SUFU: variants seen among roughly 807,000 people sequenced by gnomAD.
The protein encoded by SUFU is suppressor of fused homolog.
In SUFU, 7 loss-of-function variants were observed where a neutral mutation model predicts 58.9. The observed-to-expected ratio is 0.12, with a 90% CI of 0.07 to 0.22. SUFU has a LOEUF of 0.22. SUFU is among the 10% of genes least tolerant of loss of function. The probability of loss-of-function intolerance (pLI) is 1.00; values close to 1 mark genes in which losing one functional copy is unlikely to be tolerated. For missense variants in SUFU, 451 were observed against 641.3 expected (o/e 0.70, Z 3.20); for synonymous variants, 232 against 254.8 (o/e 0.91, Z 0.85).
intron 3 of SUFU, among the ~76,000 whole-genome samples, chr10:102,583,357 C>G (rs1252629430): frequency 3.3e-5 from 5 of 152,210 alleles, no homozygotes; most frequent in Admixed American, 3.3e-4. Flanking sequence ...GTTGCACTTT[C>G]TGCTCCCCAC....
rs1398699268 is a variant in SUFU at position 102,628,653 on chromosome 10, T to C, written c.1365+1410T>C. 6.6e-6 allele frequency among the ~76,000 whole-genome samples: 1 copy of C among 152,174 alleles called. No homozygotes were observed. Among genetic ancestry groups the C allele is most frequent in the Non-Finnish European group, 1.5e-5 (1 of 68,032 alleles). ...TCACTAAAAATGACTTTTTTCTTTT[T>C]TTCCTTTTCTGTCCAGAGGCTGTCC... On this transcript the variant is annotated intron_variant, in intron 11 of 11. Transcript: ENST00000369902. The surrounding 1 kb of genome is among the most constrained non-coding windows in gnomAD (Gnocchi z 4.5).
At chr10:102,505,433 C>A (rs1232767857) in intron 1 of SUFU, among the ~76,000 whole-genome samples, 22 of 152,182 alleles carry the variant, frequency 1.4e-4, no homozygotes, top group Admixed American at 1.4e-3. Flanking sequence ...AGATGATCTT[C>A]AATGAGTCTT....
rs2135743469 is a variant in SUFU, at chr10:102,550,077, A to G, written c.425A>G (p.Gln142Arg). The change falls in exon 3 of 12, where the codon CAG (glutamine) becomes CGG (arginine). Residue 142 changes from glutamine to arginine, a missense_variant. By Grantham distance (43) the Gln-to-Arg change is conservative (BLOSUM62 1). Coordinates refer to ENST00000369902, the MANE Select transcript of SUFU (RefSeq NM_016169.4). ...CCAACATGGCCCGCAGAGTTAATGC[A>G]GGGCTTGGCACGATACGTGTTCCAG... is the stretch of plus-strand genomic sequence containing the variant. The part of the protein sequence containing the change: ...APPTWPAELM[Q>R]GLARYVFQSE... The G allele has an allele frequency of 1.2e-6, 2 of 1,614,208 alleles. No individual in the cohort carries two copies. The highest frequency in any genetic ancestry group is 1.7e-6 in the Non-Finnish European group (2 of 1,180,036).
chr10:102,547,445 T>A (rs2062865871), intron 2 of SUFU, among the ~76,000 whole-genome samples: 1 of 152,202 alleles, frequency 6.6e-6, no homozygotes, highest in South Asian at 2.1e-4. Context: ...TCTCCAAAAT[T>A]CCACGTGTGT....
intron 2 of SUFU, among the ~76,000 whole-genome samples, chr10:102,530,625 T>G (rs1227752641): frequency 6.6e-6 from 1 of 151,698 alleles, no homozygotes; most frequent in Non-Finnish European, 1.5e-5. Flanking sequence ...GGTTAATTTT[T>G]AAATTTTTTA....
intron 2 of SUFU, among the ~76,000 whole-genome samples, chr10:102,522,491 G>C (rs984401362): frequency 6.6e-6 from 1 of 152,144 alleles, no homozygotes; most frequent in Non-Finnish European, 1.5e-5. Context: ...TTGGCTTACA[G>C]AGTGCCCCAG....
intron 7 of SUFU, 133 bp downstream of exon 7, chr10:102,597,426 C>T (rs2063474867): frequency 8.2e-7 from 1 of 1,226,802 alleles, no homozygotes; most frequent in Admixed American, 2.8e-5. Context: ...ATGATTTAAA[C>T]AGCAAGTGAA....
chr10:102,509,100 G>C, intron 1 of SUFU, 69 bp from the exon 2 acceptor site: 2 of 1,604,876 alleles, frequency 1.2e-6, no homozygotes, highest in Non-Finnish European at 1.7e-6. Flanking sequence ...TTACAAAGTA[G>C]AGCGCCTTAG....
At chr10:102,537,997 A>G (rs2062760975) in intron 2 of SUFU, among the ~76,000 whole-genome samples, 1 of 152,240 alleles carries the variant, frequency 6.6e-6, no homozygotes, top group Non-Finnish European at 1.5e-5. Flanking sequence ...TAGCAGCTGT[A>G]TCATCTTACA....
At chr10:102,613,329 C>T (rs983410855) in intron 8 of SUFU, among the ~76,000 whole-genome samples, 9 of 152,258 alleles carry the variant, frequency 5.9e-5, no homozygotes, top group Non-Finnish European at 8.8e-5. Flanking sequence ...AGGAAGGGAC[C>T]GCTTTGTGAA....
intron 3 of SUFU, among the ~76,000 whole-genome samples, chr10:102,565,366 T>G (rs199521975): frequency 3.3e-5 from 5 of 152,288 alleles, no homozygotes; most frequent in East Asian, 3.9e-4. Flanking sequence ...CTGGGTCCTG[T>G]GCTCTGTGGC....
chr10:102,511,385 T>G (rs1017516441), intron 2 of SUFU, among the ~76,000 whole-genome samples: 1 of 152,142 alleles, frequency 6.6e-6, no homozygotes, highest in Non-Finnish European at 1.5e-5. Flanking sequence ...TACCATGTCT[T>G]TTCTATCTTG....
chr10:102,632,231 C>T lies in SUFU; in HGVS notation c.*2076C>T. ...TGTGAAGCACCTGGTCAGCAACCTGCCCCAGACCTGGAGGGTCTTTGTGGA... is the reference window on the plus strand; with the variant it reads ...TGTGAAGCACCTGGTCAGCAACCTGTCCCAGACCTGGAGGGTCTTTGTGGA... On this transcript the variant is annotated 3_prime_UTR_variant, in exon 12 of 12. Transcript: ENST00000369902. The T allele has an allele frequency of 4.3e-6, 1 of 233,336 alleles. No homozygotes were observed. Among genetic ancestry groups the T allele is most frequent in the Non-Finnish European group, 8.5e-6 (1 of 118,102 alleles). 14.5% of individuals were successfully genotyped at this position (233,336 alleles called of 1,614,324 possible).
chr10:102,555,331 T>C (rs1284874718), intron 3 of SUFU, among the ~76,000 whole-genome samples: 2 of 151,268 alleles, frequency 1.3e-5, no homozygotes, highest in Non-Finnish European at 3.0e-5. Context: ...CTTTTTTTTT[T>C]TTTTTTCCTC....
intron 3 of SUFU, among the ~76,000 whole-genome samples, chr10:102,566,764 CAAAAAAAA>C (rs1213985884): frequency 1.4e-5 from 1 of 73,564 alleles, no homozygotes; most frequent in Non-Finnish European, 2.6e-5. Context: ...GACTCTGTCT[CAAAAAAAA>C]AAAAAAAAAA....
At chr10:102,553,212 GA>G (rs2062936639) in intron 3 of SUFU, among the ~76,000 whole-genome samples, 1 of 152,124 alleles carries the variant, frequency 6.6e-6, no homozygotes. Flanking sequence ...AACATGGTAG[GA>G]AATAATAGTA....
chr10:102,505,290 C>G (rs7072351), intron 1 of SUFU, among the ~76,000 whole-genome samples: 1 of 152,120 alleles, frequency 6.6e-6, no homozygotes, highest in Non-Finnish European at 1.5e-5. Flanking sequence ...CAGCCTGTTT[C>G]TTCCTTCAGC....
chr10:102,583,860 C>T (rs950203925), intron 3 of SUFU, among the ~76,000 whole-genome samples: 3 of 152,106 alleles, frequency 2.0e-5, no homozygotes, highest in Middle Eastern at 3.2e-3. Flanking sequence ...TCCCCCCTCT[C>T]CCCACCCCAC....
At chr10:102,524,327 T>C (rs2062585202) in intron 2 of SUFU, among the ~76,000 whole-genome samples, 1 of 112,814 alleles carries the variant, frequency 8.9e-6, no homozygotes. Context: ...TTCTTTTCTT[T>C]TCTTTTTTTT....
Sources: allele counts gnomAD v4.1 joint callset (sites outside exome capture counted in the v4.1 genomes callset), GRCh38; gene constraint gnomAD v4.1.1; non-coding constraint Gnocchi (gnomAD v3.1); transcripts MANE v1.5; gene names NCBI Gene and HGNC (gene_info 2026-07-23, HGNC 2026-07-21).